The following DCN variants were observed in gnomAD, a reference collection of about 807,000 sequenced individuals.
DCN encodes the protein decorin, also known as bone proteoglycan II.
In DCN, 17 loss-of-function variants were observed where a neutral mutation model predicts 36.5. The observed-to-expected ratio is 0.47, with a 90% confidence interval of 0.32 to 0.70. The LOEUF is 0.70. Ranked by LOEUF, DCN falls within the 30% of genes least tolerant of loss-of-function variation. The probability of loss-of-function intolerance (pLI) is 0.04; values close to 1 mark genes in which losing one functional copy is unlikely to be tolerated. For synonymous variants in DCN, 163 were observed against 161.4 expected (o/e 1.01, Z -0.07); for missense variants, 389 against 430.1 (o/e 0.90, Z 0.84).
Position 91,143,169 on chromosome 12 carries a change from G to A in DCN, c.*2889C>T, listed in dbSNP as rs1880806836. On this transcript the variant is annotated 3_prime_UTR_variant, in exon 8 of 8. Transcript: ENST00000052754. ...CACCTAGATTTAACCAGAAACCTAGGAGGAGCAAGGAAAGGTCCTCTCCTA... is the reference window on the plus strand; with the variant it reads ...CACCTAGATTTAACCAGAAACCTAGAAGGAGCAAGGAAAGGTCCTCTCCTA... 6.6e-6 allele frequency: 1 copy of A among 152,200 alleles called. No homozygotes were observed. The highest frequency in any genetic ancestry group is 2.1e-4 in the South Asian group (1 of 4,832). 9.4% of individuals were successfully genotyped at this position (152,200 alleles called of 1,614,324 possible).
chr12:91,145,444 T>A lies in DCN; in HGVS notation c.*614A>T, dbSNP rs1880948524. 1 of 157,306 alleles carries A rather than the reference T, an allele frequency of 6.4e-6. No homozygotes were observed. Among genetic ancestry groups the A allele is most frequent in the Admixed American group, 6.3e-5 (1 of 15,956 alleles). 9.7% of individuals were successfully genotyped at this position (157,306 alleles called of 1,614,324 possible). A position where few individuals can be genotyped will look rare whatever the true frequency, so the allele number is the denominator to read the frequency against. On this transcript the variant is annotated 3_prime_UTR_variant, in exon 8 of 8. Coordinates refer to ENST00000052754, the MANE Select transcript of DCN (RefSeq NM_001920.5). ...TAGCTGAGAACTTGAAAAGATGTAC[T>A]GTTATTGTCAACAAACCAATGTCTT...
rs1565769625 is a variant in DCN, at chr12:91,145,721, C to T, written c.*337G>A. On this transcript the variant is annotated 3_prime_UTR_variant, in exon 8 of 8. Transcript: ENST00000052754. ...CAATGAATTACAGAAGACTCATACT[C>T]TTTTTATTTTTTCCTGGAAATTAAA... 3 of 408,726 alleles carry T rather than the reference C, an allele frequency of 7.3e-6. No individual in the cohort carries two copies. The highest frequency in any genetic ancestry group is 4.2e-5 in the African/African-American group (2 of 47,596). 25.3% of individuals were successfully genotyped at this position (408,726 alleles called of 1,614,324 possible).
At chr12:91,182,547 T>G (rs941922638) in intron 1 of DCN, 108 bp downstream of exon 1, 14 of 138,942 alleles carry the variant, frequency 1.0e-4, no homozygotes, top group African/African-American at 3.2e-4. Context: ...AGTTTAACAG[T>G]TTTTTTTTTC....
In DCN at chr12:91,158,382, G is replaced by GT; in HGVS notation, c.451dup (p.Thr151AsnfsTer9). On this transcript the variant is annotated frameshift_variant, in exon 4 of 8. Transcript: ENST00000052754. LOFTEE classifies it high-confidence loss of function. ...CTCATGGGCACGCAGCTCCTGAAGA[G>GT]TTTTGGGCATTTTTTCTGGCAATTC... The GT allele has an allele frequency of 6.2e-7, 1 of 1,613,678 alleles. No homozygotes were observed. Among genetic ancestry groups the GT allele is most frequent in the Non-Finnish European group, 8.5e-7 (1 of 1,179,568 alleles).
At chr12:91,165,069 G>C (rs766962415) in intron 2 of DCN, among the ~76,000 whole-genome samples, 1 of 152,120 alleles carries the variant, frequency 6.6e-6, no homozygotes, top group African/African-American at 2.4e-5. Context: ...TAAGTAGTCA[G>C]CACGAGTGAT....
chr12:91,168,867 T>G (rs956071770), intron 2 of DCN, among the ~76,000 whole-genome samples: 1 of 152,190 alleles, frequency 6.6e-6, no homozygotes, highest in Admixed American at 6.5e-5. Context: ...CACATACATA[T>G]CTCAAGAAGA....
rs1293286244 is a variant in DCN at position 91,167,357 on chromosome 12, G to A, written c.212-2640C>T. On this transcript the variant is annotated intron_variant, in intron 2 of 7. Transcript: ENST00000052754. Reference sequence around the variant, plus strand: ...ATCTATGGTTCCCAAATGCTGATTAGGTAGACTCTATGATGAGGTTTTTAG... The same window carrying A: ...ATCTATGGTTCCCAAATGCTGATTAAGTAGACTCTATGATGAGGTTTTTAG... 5.9e-5 allele frequency among the ~76,000 whole-genome samples: 9 copies of A among 151,896 alleles called. No homozygotes were observed. In the East Asian group the frequency reaches 1.2e-3, roughly 20 times the overall value.
chr12:91,141,936 T>C lies in DCN; in HGVS notation c.*4122A>G, dbSNP rs1437882083. 1 of 152,208 alleles carries C rather than the reference T, an allele frequency of 6.6e-6. No homozygotes were observed. The highest frequency in any genetic ancestry group is 1.5e-5 in the Non-Finnish European group (1 of 68,036). 9.4% of individuals were successfully genotyped at this position (152,208 alleles called of 1,614,324 possible). ...GCCCTTTCTTTTGGCTCAAAATTGT[T>C]CAACTTCTTTGAAGGTTGTTTTAGT... On this transcript the variant is annotated 3_prime_UTR_variant, in exon 8 of 8. Coordinates refer to ENST00000052754, the MANE Select transcript of DCN (RefSeq NM_001920.5).
chr12:91,146,070 T>G lies in DCN; in HGVS notation c.1068A>C (p.Gly356=). ...GCTTTCTTGAGAATTACTTATAGTT[T>G]CCGAGTTGAATGGCAGAGCGCACGT... ...CVYVRSAIQL[G]NYK is the part of the protein sequence containing the mutation. The change falls in exon 8 of 8, where the codon GGA becomes GGC. Residue 356 remains glycine (G), a synonymous_variant. Transcript: ENST00000052754. The G allele has an allele frequency of 1.9e-6, 3 of 1,613,696 alleles. No individual in the cohort carries two copies. The highest frequency in any genetic ancestry group is 2.5e-6 in the Non-Finnish European group (3 of 1,179,644).
chr12:91,152,282 A>T (rs974339105), intron 6 of DCN, among the ~76,000 whole-genome samples: 4 of 149,842 alleles, frequency 2.7e-5, no homozygotes, highest in African/African-American at 1.0e-4. Context: ...AAAGGAGTTG[A>T]TTATACACAC....
intron 2 of DCN, chr12:91,172,592 G>A: frequency 8.4e-6 from 4 of 475,358 alleles, no homozygotes; most frequent in Non-Finnish European, 1.5e-5. Context: ...GAATTTCTAA[G>A]CTTCCTGGTT....
At chr12:91,159,771 T>G (rs976004019) in intron 3 of DCN, among the ~76,000 whole-genome samples, 16 of 152,110 alleles carry the variant, frequency 1.1e-4, no homozygotes, top group Non-Finnish European at 1.5e-5. Context: ...CAATTATCTG[T>G]ATGTCTAACA....
intron 5 of DCN, among the ~76,000 whole-genome samples, chr12:91,155,726 T>C (rs1235524003): frequency 6.6e-6 from 1 of 152,168 alleles, no homozygotes; most frequent in Non-Finnish European, 1.5e-5. Context: ...AAAGATTACT[T>C]GTTACATGCA....
rs1880734475 is a variant in DCN at position 91,140,868 on chromosome 12, C to A, written c.*5190G>T. 6.6e-6 allele frequency: 1 copy of A among 152,248 alleles called. No individual in the cohort carries two copies. Among genetic ancestry groups the A allele is most frequent in the Non-Finnish European group, 1.5e-5 (1 of 68,080 alleles). 9.4% of individuals were successfully genotyped at this position (152,248 alleles called of 1,614,324 possible). A position where few individuals can be genotyped will look rare whatever the true frequency, so the allele number is the denominator to read the frequency against. ...GACTTCATCCTTCCAGTGGCCCAGG[C>A]CAAAATTCCTGAAGTCATCTCTGTT... On this transcript the variant is annotated 3_prime_UTR_variant, in exon 8 of 8. Transcript: ENST00000052754.
chr12:91,154,055 A>G (rs541082167), intron 5 of DCN, among the ~76,000 whole-genome samples: 59 of 152,290 alleles, frequency 3.9e-4, no homozygotes, highest in Non-Finnish European at 6.5e-4. Context: ...GGTTAAGTGT[A>G]GAAAGAACAT....
chr12:91,146,563 A>G (rs527388270), intron 7 of DCN, among the ~76,000 whole-genome samples: 68 of 152,120 alleles, frequency 4.5e-4, no homozygotes, highest in African/African-American at 1.5e-3. Flanking sequence ...CATGTTGGCC[A>G]GGCTGGTCTA....
chr12:91,181,004 T>C (rs1027439838), intron 1 of DCN: 1 of 152,164 alleles, frequency 6.6e-6, no homozygotes, highest in Non-Finnish European at 1.5e-5. Context: ...AATAGTATTA[T>C]AATTTATGTT....
Position 91,143,657 on chromosome 12 carries a change from T to C in DCN, c.*2401A>G, listed in dbSNP as rs1288041256. On this transcript the variant is annotated 3_prime_UTR_variant, in exon 8 of 8. Coordinates refer to ENST00000052754, the MANE Select transcript of DCN (RefSeq NM_001920.5). ...ACACCAATCCATAAGACATGTACAA[T>C]TAATATTCCCATTTTATGGACAAGG... 6.6e-6 allele frequency: 1 copy of C among 151,820 alleles called. No homozygotes were observed. Among genetic ancestry groups the C allele is most frequent in the East Asian group, 1.9e-4 (1 of 5,180 alleles). The allele number at this position is 151,820 out of a possible 1,614,324, so 9.4% of individuals were successfully genotyped here.
intron 2 of DCN, among the ~76,000 whole-genome samples, chr12:91,171,990 C>G (rs568263420): frequency 6.6e-5 from 10 of 152,220 alleles, no homozygotes; most frequent in African/African-American, 2.4e-4. Context: ...CTAAAACACA[C>G]TATTTTCAAG....
Sources: gnomAD v4.1 joint callset for allele counts (sites outside exome capture counted in the v4.1 genomes callset) on GRCh38, gnomAD v4.1.1 for gene constraint, MANE v1.5 for transcripts, NCBI Gene and HGNC (gene_info 2026-07-23, HGNC 2026-07-21) for gene names.